Variants in AAK1 observed in about 807,000 individuals in gnomAD.
AAK1 encodes AP2-associated protein kinase 1.
Under a neutral mutation model 116.0 loss-of-function variants are expected in AAK1, and 37 were observed. That is an observed-to-expected ratio of 0.32 (90% confidence interval 0.25 to 0.42). The LOEUF (loss-of-function observed/expected upper bound fraction) is 0.42. AAK1 is among the 10% of genes least tolerant of loss of function. The pLI is 1.00. For missense variants in AAK1, 919 were observed against 1,170.6 expected (o/e 0.79, Z 3.14); for synonymous variants, 458 against 439.9 (o/e 1.04, Z -0.51).
chr2:69,489,948 A>G (rs1166662848), intron 17 of AAK1, among the ~76,000 whole-genome samples: 2 of 152,206 alleles, frequency 1.3e-5, no homozygotes, highest in Non-Finnish European at 2.9e-5. Flanking sequence ...GCAGTTGGAA[A>G]TGAGGAAGAG....
At chr2:69,502,784 AAAACCTTAAAATAT>A (rs1263250386) in intron 16 of AAK1, among the ~76,000 whole-genome samples, 1 of 152,250 alleles carries the variant, frequency 6.6e-6, no homozygotes, top group African/African-American at 2.4e-5. Flanking sequence ...ATATGTATAA[AAAACCTTAAAATAT>A]ACATACTTTT....
chr2:69,574,087 G>C (rs1285014264), intron 2 of AAK1, among the ~76,000 whole-genome samples: 1 of 151,576 alleles, frequency 6.6e-6, no homozygotes, highest in African/African-American at 2.4e-5. Flanking sequence ...AAAGAGATTA[G>C]AGCCAGGCAT....
At chr2:69,564,577 G>A (rs915356736) in intron 2 of AAK1, among the ~76,000 whole-genome samples, 1 of 151,624 alleles carries the variant, frequency 6.6e-6, no homozygotes, top group East Asian at 1.9e-4. Context: ...GTGTAGATGT[G>A]TACAGGCAGC....
intron 3 of AAK1, among the ~76,000 whole-genome samples, chr2:69,544,984 C>T (rs1039937512): frequency 2.0e-5 from 3 of 151,744 alleles, no homozygotes; most frequent in African/African-American, 7.3e-5. Flanking sequence ...TTTAACTTGA[C>T]TTTTAAATAG....
At chr2:69,478,824 T>C (rs1674967969) in intron 20 of AAK1, 127 bp downstream of exon 20, 8 of 718,938 alleles carry the variant, frequency 1.1e-5, no homozygotes, top group South Asian at 1.1e-4. Flanking sequence ...ATACTCAAGT[T>C]TTCCATACAA....
chr2:69,599,618 T>C (rs11898360), intron 2 of AAK1, among the ~76,000 whole-genome samples: 17,466 of 152,236 alleles, frequency 0.11, 2,318 homozygotes, highest in African/African-American at 0.3. Flanking sequence ...AGGTTATTAT[T>C]GATAGCTCCA....
chr2:69,544,636 TAC>T (rs1670852492), intron 3 of AAK1, 92 bp from the exon 4 acceptor site: 1 of 895,780 alleles, frequency 1.1e-6, no homozygotes, highest in Non-Finnish European at 1.8e-6. Flanking sequence ...ATAATTTAAA[TAC>T]AGAGATGATA....
At chr2:69,618,868 C>A (rs888277336) in intron 2 of AAK1, among the ~76,000 whole-genome samples, 1 of 152,210 alleles carries the variant, frequency 6.6e-6, no homozygotes, top group Non-Finnish European at 1.5e-5. Flanking sequence ...CTCCCCCATT[C>A]TGACACACCC....
intron 2 of AAK1, among the ~76,000 whole-genome samples, chr2:69,557,918 G>A (rs1293362345): frequency 6.6e-6 from 1 of 152,196 alleles, no homozygotes; most frequent in Non-Finnish European, 1.5e-5. Context: ...CTGGGCTGTT[G>A]AGAAGATACA....
In AAK1 at chr2:69,496,038, G is replaced by T. The variant is rs34422616; in HGVS notation, c.2312C>A (p.Pro771Gln). 2.6e-6 allele frequency: 4 copies of T among 1,555,384 alleles called. No homozygotes were observed. The highest frequency in any genetic ancestry group is 2.6e-6 in the Non-Finnish European group (3 of 1,149,150). ...GAAAGGATCAGACACGCTTAGAAGC[G>T]GGAGGCCAGAGTCCACAGTCTGCCC... ...KGGQTVDSGL[P>Q]LLSVSDPFIP... Residue 771 changes from proline (P) to glutamine (Q), a missense_variant, in exon 17 of 22, where the codon CCG becomes CAG. Transcript: ENST00000409085.
chr2:69,603,130 T>A (rs1673651615), intron 2 of AAK1, among the ~76,000 whole-genome samples: 1 of 152,230 alleles, frequency 6.6e-6, no homozygotes, highest in South Asian at 2.1e-4. Context: ...ACTTAGAAAT[T>A]CAATAAAGAG....
At chr2:69,605,095 C>T (rs1198717908) in intron 2 of AAK1, among the ~76,000 whole-genome samples, 1 of 152,212 alleles carries the variant, frequency 6.6e-6, no homozygotes, top group Non-Finnish European at 1.5e-5. Context: ...GCCACACAAA[C>T]TCCCACTCTT....
chr2:69,529,968 T>C (rs1289470728), intron 8 of AAK1, 40 bp downstream of exon 8: 1 of 1,455,142 alleles, frequency 6.9e-7, no homozygotes, highest in Admixed American at 2.5e-5. Context: ...TCTTTGTGAT[T>C]AGAAATAAAA....
rs556364473 is a variant in AAK1 at position 69,520,418 on chromosome 2, G to A, written c.1210+416C>T. 1.1e-4 allele frequency among the ~76,000 whole-genome samples: 17 copies of A among 150,262 alleles called. No individual in the cohort carries two copies. The South Asian group carries it at 3.6e-3, about 32-fold the overall frequency. On this transcript the variant is annotated intron_variant, in intron 11 of 21. Coordinates refer to ENST00000409085, the MANE Select transcript of AAK1 (RefSeq NM_014911.5). ...TCGTCACCCAGGCTGGAGTGCAATG[G>A]CACGGTCTTGGCTCACTGCAACCTC...
At chr2:69,640,080 C>CTCTCTCTCTCT (rs1491472917) in intron 2 of AAK1, among the ~76,000 whole-genome samples, 6 of 128,592 alleles carry the variant, frequency 4.7e-5, no homozygotes, top group African/African-American at 1.8e-4. Context: ...CTCTCTCTCT[C>CTCTCTCTCTCT]CCCCCCCACA....
intron 3 of AAK1, among the ~76,000 whole-genome samples, chr2:69,552,798 G>C (rs1304571902): frequency 6.6e-6 from 1 of 151,840 alleles, no homozygotes; most frequent in Non-Finnish European, 1.5e-5. Context: ...AGAATTGAGA[G>C]CTAGGCAAAG....
chr2:69,601,330 C>T (rs781632834), intron 2 of AAK1, among the ~76,000 whole-genome samples: 19 of 152,228 alleles, frequency 1.2e-4, no homozygotes, highest in Non-Finnish European at 2.6e-4. Context: ...GGCTGTGTAA[C>T]TGGGCTCAGT....
chr2:69,515,378 G>A (rs1247964304), intron 12 of AAK1, among the ~76,000 whole-genome samples: 2 of 152,054 alleles, frequency 1.3e-5, no homozygotes, highest in East Asian at 1.9e-4. Flanking sequence ...CTGGGATGTA[G>A]TGGTGCAAGC....
intron 2 of AAK1, among the ~76,000 whole-genome samples, chr2:69,638,981 C>T (rs963754249): frequency 1.3e-5 from 2 of 152,150 alleles, no homozygotes; most frequent in Non-Finnish European, 2.9e-5. Flanking sequence ...ATATTGATAC[C>T]ACCAACATAT....
Sources: gnomAD v4.1 joint callset for allele counts (sites outside exome capture counted in the v4.1 genomes callset) on GRCh38, gnomAD v4.1.1 for gene constraint, MANE v1.5 for transcripts, NCBI Gene and HGNC (gene_info 2026-07-23, HGNC 2026-07-21) for gene names.